The following GTF2A1 variants were observed in gnomAD, a reference collection of about 807,000 sequenced individuals.
The protein encoded by GTF2A1 is transcription initiation factor IIA subunit 1.
Under a neutral mutation model 54.1 loss-of-function variants are expected in GTF2A1, and 12 were observed. The ratio of observed to expected loss-of-function variants is 0.22; its 90% CI spans 0.14 to 0.36. The LOEUF (loss-of-function observed/expected upper bound fraction) is 0.36, where lower values mean the gene tolerates loss of function less well. Among genes scored for constraint, GTF2A1 ranks in the 10% least tolerant of loss-of-function variants. The pLI, the probability that GTF2A1 is intolerant of heterozygous loss-of-function variation, is 1.00. For synonymous variants in GTF2A1, 145 were observed against 152.0 expected (o/e 0.95, Z 0.34); for missense variants, 335 against 442.2 (o/e 0.76, Z 2.17).
chr14:81,181,490 A>G (rs1365963441), intron 8 of GTF2A1, among the ~76,000 whole-genome samples: 1 of 152,160 alleles, frequency 6.6e-6, no homozygotes, highest in South Asian at 2.1e-4. Context: ...GCTTTTACTA[A>G]ATCAGTCTGT....
intron 4 of GTF2A1, among the ~76,000 whole-genome samples, chr14:81,198,224 C>G (rs1192018263): frequency 6.6e-6 from 1 of 152,174 alleles, no homozygotes; most frequent in Non-Finnish European, 1.5e-5. Context: ...GTGGGCAGAT[C>G]GCTTGAGCTC....
chr14:81,219,097 G>A (rs1041310751), intron 1 of GTF2A1, among the ~76,000 whole-genome samples: 2 of 151,976 alleles, frequency 1.3e-5, no homozygotes, highest in Non-Finnish European at 2.9e-5. Flanking sequence ...TAGACCATCT[G>A]ATCTAAAACT....
Position 81,211,873 on chromosome 14 carries a change from CTTTATATATATATATA to C in GTF2A1, c.132+4524_132+4539del, listed in dbSNP as rs1490614470. 4.5e-4 allele frequency among the ~76,000 whole-genome samples: 45 copies of C among 99,288 alleles called. 1 individual carries two copies. Among genetic ancestry groups the C allele is most frequent in the Non-Finnish European group, 7.3e-4 (39 of 53,524 alleles). 65.1% of individuals were successfully genotyped at this position (99,288 alleles called of 152,430 possible). A position where few individuals can be genotyped will look rare whatever the true frequency, so the allele number is the denominator to read the frequency against. On this transcript the variant is annotated intron_variant, in intron 2 of 8. Transcript: ENST00000553612. ...ACACATAATTAGAGTGTATCAAGTA[CTTTATATATATATATA>C]TATATATATATATATATATAACTAG... is the stretch of plus-strand genomic sequence containing the variant.
chr14:81,211,286 A>G (rs564371782), intron 2 of GTF2A1, among the ~76,000 whole-genome samples: 4 of 152,262 alleles, frequency 2.6e-5, no homozygotes, highest in Admixed American at 2.6e-4. Context: ...CCAAATTCCT[A>G]GTCTCTAAAC....
At chr14:81,218,846 C>T (rs140122510) in intron 1 of GTF2A1, among the ~76,000 whole-genome samples, 1 of 150,610 alleles carries the variant, frequency 6.6e-6, no homozygotes, top group African/African-American at 2.4e-5. Context: ...ACTCACGATT[C>T]TCCTACACAT....
Position 81,180,276 on chromosome 14 carries a change from G to C in GTF2A1, c.1078C>G (p.Leu360Val). 6.6e-7 allele frequency: 1 copy of C among 1,516,492 alleles called. No homozygotes were observed. The highest frequency in any genetic ancestry group is 9.1e-7 in the Non-Finnish European group (1 of 1,096,578). 93.9% of individuals were successfully genotyped at this position (1,516,492 alleles called of 1,614,324 possible). ...KFHLKDGIMNLNGRDYIFSKA... is the reference protein window; with the variant it reads ...KFHLKDGIMNVNGRDYIFSKA... ...GAAAATATATAATCTCTTCCATTAA[G>C]ATTCATAATGCCATCCTTGAGATGA... Residue 360 changes from leucine to valine, a missense_variant, in exon 9 of 9, where the codon CTT becomes GTT. Leu to Val is a conservative substitution (Grantham distance 32, BLOSUM62 1). This residue lies in a region of GTF2A1 where 29 missense variants were observed against 81.7 expected (regional missense o/e 0.35). Coordinates refer to ENST00000553612, the MANE Select transcript of GTF2A1 (RefSeq NM_015859.4).
intron 1 of GTF2A1, among the ~76,000 whole-genome samples, chr14:81,218,696 C>G (rs1893540208): frequency 6.6e-6 from 1 of 151,750 alleles, no homozygotes; most frequent in Non-Finnish European, 1.5e-5. Flanking sequence ...AGGTTTCCTT[C>G]AAAAATGTTA....
Position 81,192,834 on chromosome 14 carries a change from C to A in GTF2A1, c.618G>T (p.Leu206=). Residue 206 remains leucine, a synonymous_variant, in exon 7 of 9, where the codon CTG becomes CTT. Coordinates refer to ENST00000553612, the MANE Select transcript of GTF2A1 (RefSeq NM_015859.4). The stretch of plus-strand genomic sequence containing the variant: ...GTGAAATCCCTCCAGGAAGAGGAGC[C>A]AGCACCTAAAGCAAAAGAAAACCAC... ...GVQAPVIQQV[L]APLPGGISPQ... is the part of the protein sequence containing the mutation. 6.3e-7 allele frequency: 1 copy of A among 1,599,960 alleles called. No individual in the cohort carries two copies. The highest frequency in any genetic ancestry group is 1.7e-4 in the Middle Eastern group (1 of 6,012).
rs1893628106 is a variant in GTF2A1 at position 81,220,904 on chromosome 14, A to AGCGAGCCAACAAGCTGC, written c.-403_-387dup. ...GTCCGCCCGCTTCTCTCCTTTATATAGCGAGCCAACAAGCTGCGCGAGCCA... is the reference window on the plus strand; with the variant it reads ...GTCCGCCCGCTTCTCTCCTTTATATAGCGAGCCAACAAGCTGCGCGAGCCAACAAGCTGCGCGAGCCA... On this transcript the variant is annotated 5_prime_UTR_variant, in exon 1 of 9. Transcript: ENST00000553612. 1 of 194,504 alleles carries AGCGAGCCAACAAGCTGC rather than the reference A, an allele frequency of 5.1e-6. No homozygotes were observed. The highest frequency in any genetic ancestry group is 1.0e-5 in the Non-Finnish European group (1 of 96,266). 12.0% of individuals were successfully genotyped at this position (194,504 alleles called of 1,614,324 possible). A position where few individuals can be genotyped will look rare whatever the true frequency, so the allele number is the denominator to read the frequency against.
intron 6 of GTF2A1, among the ~76,000 whole-genome samples, 190 bp downstream of exon 6, chr14:81,195,918 A>C (rs1892982862): frequency 6.6e-6 from 1 of 152,192 alleles, no homozygotes; most frequent in South Asian, 2.1e-4. Flanking sequence ...CAGAGACAAC[A>C]GTAATTGTTT....
intron 7 of GTF2A1, among the ~76,000 whole-genome samples, chr14:81,189,670 C>CA (rs1354626898): frequency 5.8e-4 from 85 of 146,710 alleles, no homozygotes; most frequent in African/African-American, 1.5e-3. Context: ...GACTCCATCT[C>CA]AAAAAAAAAA....
intron 8 of GTF2A1, among the ~76,000 whole-genome samples, chr14:81,182,170 G>A (rs1892653493): frequency 6.6e-6 from 1 of 151,860 alleles, no homozygotes; most frequent in South Asian, 2.1e-4. Context: ...TCTTCTTCTG[G>A]ATTCAAACTT....
chr14:81,186,317 AAAG>A (rs1892744339), intron 7 of GTF2A1, among the ~76,000 whole-genome samples: 1 of 152,248 alleles, frequency 6.6e-6, no homozygotes, highest in Non-Finnish European at 1.5e-5. Context: ...TTAGAGGAGA[AAAG>A]AAGAGCAATG....
In GTF2A1 at chr14:81,196,019, T is replaced by G. The variant is rs552855243; in HGVS notation, c.612+89A>C. ...GTCTGTAGCACTGAAAAAGAGTCTTTTGTGCATATAAGGAGAGGGAAACTA... is the reference window on the plus strand; with the variant it reads ...GTCTGTAGCACTGAAAAAGAGTCTTGTGTGCATATAAGGAGAGGGAAACTA... On this transcript the variant is annotated intron_variant, in intron 6 of 8. Coordinates refer to ENST00000553612, the MANE Select transcript of GTF2A1 (RefSeq NM_015859.4). 95 of 1,162,544 alleles carry G rather than the reference T, an allele frequency of 8.2e-5. No individual in the cohort carries two copies. The African/African-American group carries it at 1.4e-3, about 17-fold the overall frequency. The allele number at this position is 1,162,544 out of a possible 1,614,324, so 72.0% of individuals were successfully genotyped here.
intron 2 of GTF2A1, among the ~76,000 whole-genome samples, chr14:81,212,460 AAAGAT>A (rs1893393736): frequency 6.6e-6 from 1 of 152,352 alleles, no homozygotes; most frequent in Non-Finnish European, 1.5e-5. Flanking sequence ...CAGTGTTTCA[AAAGAT>A]AACCTCAAAG....
At chr14:81,220,324 G>A (rs1595236429) in intron 1 of GTF2A1, among the ~76,000 whole-genome samples, 165 bp downstream of exon 1, 1 of 137,984 alleles carries the variant, frequency 7.2e-6, no homozygotes, top group African/African-American at 2.6e-5. Context: ...CCCGCCGCCC[G>A]GCGCTCCGGC....
rs940340792 is a variant in GTF2A1, at chr14:81,181,326, A to G, written c.1024-996T>C. Among the ~76,000 whole-genome samples the G allele has an allele frequency of 3.3e-5, 5 of 150,144 alleles. No homozygotes were observed. In the East Asian group the frequency reaches 7.8e-4, roughly 23 times the overall value. On this transcript the variant is annotated intron_variant, in intron 8 of 8. Transcript: ENST00000553612. ...AAGGCCCCCTGGTTCTCCCTATTCT[A>G]TGATCTAAAGGTACCTAAAAAAAAA...
In GTF2A1 at chr14:81,179,965, T is replaced by G; in HGVS notation, c.*258A>C. On this transcript the variant is annotated 3_prime_UTR_variant, in exon 9 of 9. Transcript: ENST00000553612. ...ATTACCGGTGGCAGGTACCTGTATT[T>G]AAAATCAACAATTATGGTTTTCCTA... 1 of 251,820 alleles carries G rather than the reference T, an allele frequency of 4.0e-6. No homozygotes were observed. Among genetic ancestry groups the G allele is most frequent in the Non-Finnish European group, 7.5e-6 (1 of 133,502 alleles). The allele number at this position is 251,820 out of a possible 1,614,324, so 15.6% of individuals were successfully genotyped here.
intron 4 of GTF2A1, among the ~76,000 whole-genome samples, chr14:81,197,811 T>G (rs1001499858): frequency 1.3e-5 from 2 of 152,134 alleles, no homozygotes; most frequent in Non-Finnish European, 2.9e-5. Flanking sequence ...CTTCCTATAC[T>G]CAATCTAACC....
Sources: allele counts gnomAD v4.1 joint callset (sites outside exome capture counted in the v4.1 genomes callset), GRCh38; gene constraint gnomAD v4.1.1; regional missense constraint gnomAD v4.1.1; transcripts MANE v1.5; gene names NCBI Gene and HGNC (gene_info 2026-07-23, HGNC 2026-07-21).